Variants in STX5 observed in about 807,000 individuals in gnomAD.
STX5 encodes the protein syntaxin 5.
Under a neutral mutation model 42.9 loss-of-function variants are expected in STX5, and 15 were observed. That is an observed-to-expected ratio of 0.35 (90% confidence interval 0.23 to 0.54). STX5 has a LOEUF of 0.54. Ranked by LOEUF, STX5 falls within the 20% of genes least tolerant of loss-of-function variation. The pLI is 0.91. For missense variants in STX5, 430 were observed against 455.0 expected, an observed-to-expected ratio of 0.95 and a Z score of 0.50; for synonymous variants, 184 against 173.2, an observed-to-expected ratio of 1.06 and a Z score of -0.49.
intron 10 of STX5, among the ~76,000 whole-genome samples, chr11:62,823,072 T>C (rs2084756765): frequency 6.6e-6 from 1 of 152,200 alleles, no homozygotes; most frequent in Non-Finnish European, 1.5e-5. Flanking sequence ...ACACTCTCTG[T>C]TCTTTGCCTG....
At chr11:62,814,166 A>C (rs907284148) in intron 10 of STX5, among the ~76,000 whole-genome samples, 1 of 152,132 alleles carries the variant, frequency 6.6e-6, no homozygotes, top group Admixed American at 6.6e-5. Flanking sequence ...AAGAGGAAGA[A>C]TTTAATTAAT....
chr11:62,807,461 G>C lies in STX5; in HGVS notation c.*8C>G, dbSNP rs987426674. 2 of 1,613,262 alleles carry C rather than the reference G, an allele frequency of 1.2e-6. No individual in the cohort carries two copies. Among genetic ancestry groups the C allele is most frequent in the African/African-American group, 2.7e-5 (2 of 75,018 alleles). ...AACCCCAACAGAGTGCCTCAGAGTA[G>C]AGAGGGTTCAAGCAAGGAAGACCAC... On this transcript the variant is annotated 3_prime_UTR_variant, in exon 11 of 11. Transcript: ENST00000294179.
chr11:62,826,901 A>T (rs2084802497), intron 5 of STX5, among the ~76,000 whole-genome samples: 1 of 149,450 alleles, frequency 6.7e-6, no homozygotes, highest in Non-Finnish European at 1.5e-5. Context: ...AAAAAAAAAA[A>T]TTATCCAGGA....
intron 10 of STX5, among the ~76,000 whole-genome samples, chr11:62,811,006 A>G (rs1354429404): frequency 1.3e-5 from 2 of 152,216 alleles, no homozygotes; most frequent in Non-Finnish European, 2.9e-5. Flanking sequence ...AGCAAGGAGA[A>G]ATAACCACTC....
chr11:62,816,237 G>T (rs1265709257), intron 10 of STX5, among the ~76,000 whole-genome samples: 1 of 152,166 alleles, frequency 6.6e-6, no homozygotes, highest in African/African-American at 2.4e-5. Flanking sequence ...AGCTATATTA[G>T]TGTTTATTAT....
In STX5 at chr11:62,827,591, C is replaced by A. The variant is rs542193132; in HGVS notation, c.266G>T (p.Arg89Leu). 1.1e-5 allele frequency: 18 copies of A among 1,614,210 alleles called. No individual in the cohort carries two copies. Among genetic ancestry groups the A allele is most frequent in the Admixed American group, 1.7e-5 (1 of 60,020 alleles). ...CATGAGGGTGAATTCACTGCGTTGT[C>A]GGACAGCACGCAAAGCTGGCTTATT... ...QTNKPALRAV[R>L]QRSEFTLMAK... Residue 89 changes from arginine (R) to leucine (L), a missense_variant, in exon 3 of 11, where the codon CGA (arginine) becomes CTA (leucine). Transcript: ENST00000294179.
intron 10 of STX5, among the ~76,000 whole-genome samples, chr11:62,820,011 G>A (rs1251740073): frequency 6.6e-6 from 1 of 151,538 alleles, no homozygotes; most frequent in African/African-American, 2.4e-5. Context: ...GCCAGTAAGT[G>A]GAGTTGTTGA....
Position 62,827,184 on chromosome 11 carries a change from T to C in STX5, c.394A>G (p.Ile132Val). The change falls in exon 5 of 11, where the codon ATT becomes GTT. Residue 132 changes from isoleucine (I) to valine (V), a missense_variant. Coordinates refer to ENST00000294179, the MANE Select transcript of STX5 (RefSeq NM_003164.5). Reference protein sequence around the residue: ...KSLFDDKAVEIEELTYIIKQD... With the variant: ...KSLFDDKAVEVEELTYIIKQD... Reference sequence around the variant, plus strand: ...TTGATGATATATGTTAGCTCTTCAATTTCCACTGCTTTATCATCAAAGAGG... The same window carrying C: ...TTGATGATATATGTTAGCTCTTCAACTTCCACTGCTTTATCATCAAAGAGG... 6.2e-7 allele frequency: 1 copy of C among 1,614,202 alleles called. No homozygotes were observed. Among genetic ancestry groups the C allele is most frequent in the Non-Finnish European group, 8.5e-7 (1 of 1,180,040 alleles).
intron 10 of STX5, among the ~76,000 whole-genome samples, chr11:62,822,055 A>C (rs1021660252): frequency 6.6e-6 from 1 of 151,658 alleles, no homozygotes; most frequent in Non-Finnish European, 1.5e-5. Context: ...AAATACATGC[A>C]TAAATAAATA....
rs373509609 is a variant in STX5, at chr11:62,825,077, C to G, written c.638G>C (p.Arg213Pro). The change falls in exon 8 of 11, where the codon CGG becomes CCG. Residue 213 changes from arginine (R) to proline (P), a missense_variant. Arg to Pro is a moderately radical substitution (Grantham distance 103). Coordinates refer to ENST00000294179, the MANE Select transcript of STX5 (RefSeq NM_003164.5). ...QQRSRREQFSRAPVSALPLAP... is the reference protein window; with the variant it reads ...QQRSRREQFSPAPVSALPLAP... ...AAGGGGCAGGGCTGACACAGGTGCC[C>G]GGGAGAACTGCTCTCTCCGGCTCCT... 6.2e-7 allele frequency: 1 copy of G among 1,613,840 alleles called. No individual in the cohort carries two copies. Among genetic ancestry groups the G allele is most frequent in the Admixed American group, 1.7e-5 (1 of 60,000 alleles).
At chr11:62,830,085 A>AAG (rs1235919244) in intron 2 of STX5, among the ~76,000 whole-genome samples, 3 of 146,090 alleles carry the variant, frequency 2.1e-5, no homozygotes, top group Non-Finnish European at 4.5e-5. Flanking sequence ...AAAAAAAAAA[A>AAG]AGAGAGAGAG....
At chr11:62,815,819 G>A (rs1006053420) in intron 10 of STX5, 1 of 152,208 alleles carries the variant, frequency 6.6e-6, no homozygotes, top group African/African-American at 2.4e-5. Context: ...TTACAGGTGT[G>A]AGCCACCGCG....
chr11:62,827,461 A>C, intron 3 of STX5, 63 bp from the exon 4 acceptor site: 1 of 1,613,356 alleles, frequency 6.2e-7, no homozygotes, highest in Non-Finnish European at 8.5e-7. Context: ...CATAAGCTCC[A>C]GCATAACCAA....
chr11:62,820,888 A>G (rs2084733310), intron 10 of STX5, among the ~76,000 whole-genome samples: 1 of 152,070 alleles, frequency 6.6e-6, no homozygotes, highest in South Asian at 2.1e-4. Context: ...TTAAAATTCT[A>G]TTTCCATTTC....
At chr11:62,825,254 C>A in intron 7 of STX5, 29 bp downstream of exon 7, 1 of 1,613,884 alleles carries the variant, frequency 6.2e-7, no homozygotes, top group South Asian at 1.1e-5. Context: ...CTCCCATATT[C>A]CTACCCCTCC....
chr11:62,823,341 A>AT (rs1195760218), intron 10 of STX5, among the ~76,000 whole-genome samples: 1 of 148,832 alleles, frequency 6.7e-6, no homozygotes, highest in Non-Finnish European at 1.5e-5. Context: ...TGTCCAGCTA[A>AT]TTTTTTTATT....
chr11:62,812,253 T>C (rs893344544), intron 10 of STX5, among the ~76,000 whole-genome samples: 12 of 151,376 alleles, frequency 7.9e-5, no homozygotes, highest in Admixed American at 2.0e-4. Context: ...AATTTTGTAT[T>C]TTTAGTAGAG....
Position 62,827,143 on chromosome 11 carries a change from C to G in STX5, c.423+12G>C, listed in dbSNP as rs911905889. 3.1e-6 allele frequency: 5 copies of G among 1,612,664 alleles called. No individual in the cohort carries two copies. In the African/African-American group the frequency reaches 6.7e-5, roughly 22 times the overall value. On this transcript the variant is annotated intron_variant, in intron 5 of 10. Transcript: ENST00000294179. ...TTGGAATGCTGGGCTCTCCTGATGG[C>G]TAGTAGCTCACCTGTTTGATGATAT...
chr11:62,829,253 C>T (rs546759731), intron 2 of STX5, among the ~76,000 whole-genome samples: 5 of 151,612 alleles, frequency 3.3e-5, no homozygotes, highest in Non-Finnish European at 2.9e-5. Context: ...GGAGAAACCC[C>T]GTCTCCACTC....
Sources: gnomAD v4.1 joint callset for allele counts (sites outside exome capture counted in the v4.1 genomes callset) on GRCh38, gnomAD v4.1.1 for gene constraint, MANE v1.5 for transcripts, NCBI Gene and HGNC (gene_info 2026-07-23, HGNC 2026-07-21) for gene names.